The following RNASEH2A variants were observed in gnomAD, a reference collection of about 807,000 sequenced individuals.
RNASEH2A encodes the protein RNase H(35).
A neutral mutation model predicts 32.7 loss-of-function variants in RNASEH2A; 30 were observed. The observed-to-expected ratio is 0.92, with a 90% CI of 0.69 to 1.25. RNASEH2A has a LOEUF of 1.25. RNASEH2A is among the 50% of genes most tolerant of loss of function. The pLI, the probability that RNASEH2A is intolerant of heterozygous loss-of-function variation, is 0.00. For missense variants in RNASEH2A, 409 were observed against 398.1 expected, an observed-to-expected ratio of 1.03 and a Z score of -0.23; for synonymous variants, 147 against 165.4, an observed-to-expected ratio of 0.89 and a Z score of 0.86.
chr19:12,809,124 C>T (rs907811915), intron 4 of RNASEH2A, among the ~76,000 whole-genome samples: 6 of 152,142 alleles, frequency 3.9e-5, no homozygotes, highest in Non-Finnish European at 8.8e-5. Context: ...CCTGTAATCC[C>T]AGCACTTTGG....
In RNASEH2A at chr19:12,807,192, A is replaced by C; in HGVS notation, c.200-14A>C. The C allele has an allele frequency of 1.2e-6, 2 of 1,614,094 alleles. No individual in the cohort carries two copies. The highest frequency in any genetic ancestry group is 2.2e-5 in the South Asian group (2 of 91,084). On this transcript the variant is annotated splice_polypyrimidine_tract_variant and intron_variant, in intron 2 of 7. Coordinates refer to ENST00000221486, the MANE Select transcript of RNASEH2A (RefSeq NM_006397.3). ...GAACCAGCTGTTCCCCTTCTCTTCCAAACCTCCTCCCAGACTCAAAGACCC... is the reference window on the plus strand; with the variant it reads ...GAACCAGCTGTTCCCCTTCTCTTCCCAACCTCCTCCCAGACTCAAAGACCC...
At position 12,813,378 on chromosome 19, in the gene RNASEH2A, A is replaced by C; in HGVS notation, c.812A>C (p.Tyr271Ser). 6.2e-7 allele frequency: 1 copy of C among 1,614,120 alleles called. No homozygotes were observed. The highest frequency in any genetic ancestry group is 1.1e-5 in the South Asian group (1 of 91,080). The change falls in exon 8 of 8, where the codon TAC becomes TCC. Residue 271 changes from tyrosine to serine, a missense_variant. Transcript: ENST00000221486. Reference protein sequence around the residue: ...NQEGLRKITSYFLNEGSQARP... With the variant: ...NQEGLRKITSSFLNEGSQARP... ...GAGGGACTCAGGAAGATCACATCCTACTTCCTCAATGAAGGGTCCCAAGCC... is the reference window on the plus strand; with the variant it reads ...GAGGGACTCAGGAAGATCACATCCTCCTTCCTCAATGAAGGGTCCCAAGCC...
At chr19:12,811,804 C>T (rs1477145794) in intron 6 of RNASEH2A, among the ~76,000 whole-genome samples, 2 of 151,686 alleles carry the variant, frequency 1.3e-5, no homozygotes, top group Non-Finnish European at 2.9e-5. Context: ...GTAATCCCAG[C>T]AACTCGGGAG....
In RNASEH2A at chr19:12,813,556, C is replaced by T. The variant is rs968179732; in HGVS notation, c.*90C>T. 26 of 1,561,860 alleles carry T rather than the reference C, an allele frequency of 1.7e-5. No individual in the cohort carries two copies. The highest frequency in any genetic ancestry group is 3.3e-5 in the Admixed American group (2 of 59,852). ...ACACGTAGGGGATGTACTTTTGGGA[C>T]AGAAGCAAGGTGGGAGTGTGCTCTG... is the stretch of plus-strand genomic sequence containing the variant. On this transcript the variant is annotated 3_prime_UTR_variant, in exon 8 of 8. Transcript: ENST00000221486.
chr19:12,813,521 A>G lies in RNASEH2A; in HGVS notation c.*55A>G, dbSNP rs960219124. ...CCCAACCCAGACATTAAAATTGTTT[A>G]AGGAGAACCACACGTAGGGGATGTA... On this transcript the variant is annotated 3_prime_UTR_variant, in exon 8 of 8. Transcript: ENST00000221486. 6.2e-7 allele frequency: 1 copy of G among 1,604,688 alleles called. No individual in the cohort carries two copies. Among genetic ancestry groups the G allele is most frequent in the Non-Finnish European group, 8.5e-7 (1 of 1,178,804 alleles).
At chr19:12,810,542 T>C in intron 6 of RNASEH2A, 138 bp downstream of exon 6, 1 of 899,204 alleles carries the variant, frequency 1.1e-6, no homozygotes, top group South Asian at 1.5e-5. Context: ...TTTTTGTTTA[T>C]TTTTTGAGAC....
At chr19:12,813,289 C>A in intron 7 of RNASEH2A, 39 bp from the exon 8 acceptor site, 1 of 1,614,062 alleles carries the variant, frequency 6.2e-7, no homozygotes. Context: ...AGGGTTGCTC[C>A]CTGTGTAAGT....
intron 4 of RNASEH2A, among the ~76,000 whole-genome samples, chr19:12,809,549 A>C (rs1295311294): frequency 6.6e-6 from 1 of 152,210 alleles, no homozygotes; most frequent in Non-Finnish European, 1.5e-5. Context: ...TATGTTGCCC[A>C]GGTTGGTCTC....
At chr19:12,807,102 G>A (rs373720089) in intron 2 of RNASEH2A, 23 bp downstream of exon 2, 5 of 1,614,150 alleles carry the variant, frequency 3.1e-6, no homozygotes, top group Admixed American at 1.7e-5. Flanking sequence ...TGTGCGTCTG[G>A]GGAAGGGATT....
chr19:12,811,142 A>C (rs1175897444), intron 6 of RNASEH2A, among the ~76,000 whole-genome samples: 5 of 152,128 alleles, frequency 3.3e-5, no homozygotes. Flanking sequence ...CTCCACAGTG[A>C]AAGAGGCCAA....
Position 12,811,389 on chromosome 19 carries a change from C to T in RNASEH2A, c.637+985C>T, listed in dbSNP as rs571465480. ...CTTTGGGAAGCTGAGGTAGGAGAAC[C>T]GCTTGAGTCCTCGAGTTCAAGACCA... is the stretch of plus-strand genomic sequence containing the variant. On this transcript the variant is annotated intron_variant, in intron 6 of 7. Transcript: ENST00000221486. 7.9e-5 allele frequency among the ~76,000 whole-genome samples: 12 copies of T among 151,666 alleles called. No individual in the cohort carries two copies. The East Asian group carries it at 1.2e-3, about 15-fold the overall frequency.
At chr19:12,806,951 T>C (rs1969001272) in intron 1 of RNASEH2A, 57 bp from the exon 2 acceptor site, 1 of 1,608,628 alleles carries the variant, frequency 6.2e-7, no homozygotes, top group Non-Finnish European at 8.5e-7. Flanking sequence ...ATGGCAACTT[T>C]CACGGGCTCA....
At chr19:12,809,508 CTTTT>C (rs1330107070) in intron 4 of RNASEH2A, among the ~76,000 whole-genome samples, 21 of 152,060 alleles carry the variant, frequency 1.4e-4, no homozygotes, top group Non-Finnish European at 2.9e-5. Context: ...ACCTAGCTAA[CTTTT>C]TATTTTTTGT....
In RNASEH2A at chr19:12,810,444, C is replaced by T. The variant is rs376359159; in HGVS notation, c.637+40C>T. On this transcript the variant is annotated intron_variant, in intron 6 of 7. Transcript: ENST00000221486. ...GACCATGGTACTAATGTTGAAATGG[C>T]CAGGGCTGAGCACACTTCTGAGGTT... 1.2e-3 allele frequency: 1,876 copies of T among 1,508,842 alleles called. 41 individuals carry two copies. In the South Asian group the frequency reaches 0.02, roughly 16 times the overall value. 93.5% of individuals were successfully genotyped at this position (1,508,842 alleles called of 1,614,324 possible). A position where few individuals can be genotyped will look rare whatever the true frequency, so the allele number is the denominator to read the frequency against.
Position 12,806,728 on chromosome 19 carries a change from C to A in RNASEH2A, c.55C>A (p.Pro19Thr). Reference protein sequence around the residue: ...DNTGRCRLSSPVPAVCRKEPC... With the variant: ...DNTGRCRLSSTVPAVCRKEPC... ...TACAGGCCGCTGTCGCCTGAGTTCGCCTGTGCCCGCGGTGTGCCGCAAGGA... is the reference window on the plus strand; with the variant it reads ...TACAGGCCGCTGTCGCCTGAGTTCGACTGTGCCCGCGGTGTGCCGCAAGGA... Residue 19 changes from proline (P) to threonine (T), a missense_variant, in exon 1 of 8, where the codon CCT becomes ACT. By Grantham distance (38) the Pro-to-Thr change is conservative. Coordinates refer to ENST00000221486, the MANE Select transcript of RNASEH2A (RefSeq NM_006397.3). 1 of 1,569,138 alleles carries A rather than the reference C, an allele frequency of 6.4e-7. No individual in the cohort carries two copies. The highest frequency in any genetic ancestry group is 8.6e-7 in the Non-Finnish European group (1 of 1,156,870).
Position 12,813,635 on chromosome 19 carries a change from G to C in RNASEH2A, c.*169G>C, listed in dbSNP as rs1969109392. On this transcript the variant is annotated 3_prime_UTR_variant, in exon 8 of 8. Coordinates refer to ENST00000221486, the MANE Select transcript of RNASEH2A (RefSeq NM_006397.3). ...ACCTTAAATAGAATGGGTGTTGGTT[G>C]ATTAATTTTATTTGGTTTGATTTTT... The C allele has an allele frequency of 8.8e-6, 5 of 565,074 alleles. No individual in the cohort carries two copies. Among genetic ancestry groups the C allele is most frequent in the Non-Finnish European group, 1.2e-5 (4 of 327,622 alleles). The allele number at this position is 565,074 out of a possible 1,614,324, so 35.0% of individuals were successfully genotyped here.
chr19:12,811,917 AAATAATAATAAT>A (rs60819630), intron 6 of RNASEH2A, among the ~76,000 whole-genome samples: 1 of 148,254 alleles, frequency 6.7e-6, no homozygotes, highest in Non-Finnish European at 1.5e-5. Flanking sequence ...TTCCATCTCA[AAATAATAATAAT>A]AATAATAATA....
intron 2 of RNASEH2A, 38 bp downstream of exon 2, chr19:12,807,117 G>C (rs1347842604): frequency 6.2e-7 from 1 of 1,613,990 alleles, no homozygotes; most frequent in Non-Finnish European, 8.5e-7. Context: ...GGGATTCCTG[G>C]GTATGTGCAG....
chr19:12,810,559 T>G (rs1568387958), intron 6 of RNASEH2A, among the ~76,000 whole-genome samples, 155 bp downstream of exon 6: 1 of 152,216 alleles, frequency 6.6e-6, no homozygotes, highest in Non-Finnish European at 1.5e-5. Flanking sequence ...AGACGGAGTT[T>G]CGCTCTTTTT....
Sources: gnomAD v4.1 joint callset for allele counts (sites outside exome capture counted in the v4.1 genomes callset) on GRCh38, gnomAD v4.1.1 for gene constraint, MANE v1.5 for transcripts, NCBI Gene and HGNC (gene_info 2026-07-23, HGNC 2026-07-21) for gene names.